GRM1: variants seen among roughly 807,000 people sequenced by gnomAD.
GRM1 encodes glutamate metabotropic receptor 1.
Under a neutral mutation model 90.9 loss-of-function variants are expected in GRM1, and 33 were observed. The observed-to-expected ratio is 0.36, with a 90% CI of 0.28 to 0.49. GRM1 has a LOEUF of 0.49. GRM1 is among the 20% of genes least tolerant of loss of function. GRM1 has a pLI of 0.99. For synonymous variants in GRM1, 700 were observed against 613.2 expected, an observed-to-expected ratio of 1.14 and a Z score of -2.09; for missense variants, 1,190 against 1,534.3, an observed-to-expected ratio of 0.78 and a Z score of 3.75.
chr6:146,400,243 A>AG (rs1414824985), intron 7 of GRM1, among the ~76,000 whole-genome samples: 1 of 152,170 alleles, frequency 6.6e-6, no homozygotes, highest in Non-Finnish European at 1.5e-5. Context: ...ATGTCCTAAA[A>AG]TAAGATCCTG....
intron 1 of GRM1, among the ~76,000 whole-genome samples, chr6:146,062,962 A>G (rs1190418942): frequency 6.6e-6 from 1 of 151,940 alleles, no homozygotes; most frequent in Non-Finnish European, 1.5e-5. Context: ...TTGTGCTATA[A>G]ATGTTCTTTT....
chr6:146,053,619 GT>G (rs1023045365), intron 1 of GRM1, among the ~76,000 whole-genome samples: 1 of 152,006 alleles, frequency 6.6e-6, no homozygotes, highest in South Asian at 2.1e-4. Flanking sequence ...CGTTATGTGA[GT>G]TTTTTTGTGG....
At chr6:146,426,729 T>C in intron 7 of GRM1, 3 of 700,352 alleles carry the variant, frequency 4.3e-6, no homozygotes, top group Non-Finnish European at 7.9e-6. Flanking sequence ...TGGAAACAGA[T>C]GTGGTGCATG....
chr6:146,256,083 C>T (rs1397037012), intron 2 of GRM1, among the ~76,000 whole-genome samples: 1 of 152,092 alleles, frequency 6.6e-6, no homozygotes, highest in East Asian at 1.9e-4. Flanking sequence ...TCTACTGGCT[C>T]GGATACAGCT....
chr6:146,089,820 G>A (rs1776658120), intron 1 of GRM1, among the ~76,000 whole-genome samples: 1 of 151,976 alleles, frequency 6.6e-6, no homozygotes, highest in South Asian at 2.1e-4. Flanking sequence ...AGTCTCAAAA[G>A]AATAAAGAGA....
intron 1 of GRM1, among the ~76,000 whole-genome samples, chr6:146,075,254 T>A (rs1236824590): frequency 6.6e-6 from 1 of 152,204 alleles, no homozygotes; most frequent in Non-Finnish European, 1.5e-5. Flanking sequence ...AGCCCAGTGT[T>A]ACACTCTAAA....
At chr6:146,386,854 A>G (rs1776525574) in intron 5 of GRM1, 36 bp from the exon 6 acceptor site, 1 of 1,564,726 alleles carries the variant, frequency 6.4e-7, no homozygotes, top group Non-Finnish European at 8.8e-7. Flanking sequence ...TTCTGGGAAA[A>G]CTATCTTTAA....
At chr6:146,159,700 G>C in intron 2 of GRM1, 103 bp downstream of exon 2, 2 of 1,171,558 alleles carry the variant, frequency 1.7e-6, no homozygotes, top group Non-Finnish European at 2.4e-6. Context: ...CACAAAACTA[G>C]ACTTGCTAAC....
At position 146,103,964 on chromosome 6, in the gene GRM1, A is replaced by G. The variant is rs574643396; in HGVS notation, c.701-55384A>G. On this transcript the variant is annotated intron_variant, in intron 1 of 7. Transcript: ENST00000282753. ...TGAGGAAACATTTGATCTAAACTGA[A>G]GAAAAAAACCATCTGATCTGAATTC... is the stretch of plus-strand genomic sequence containing the variant. Among the ~76,000 whole-genome samples, 5 of 152,284 alleles carry G rather than the reference A, an allele frequency of 3.3e-5. No homozygotes were observed. The South Asian group carries it at 1.0e-3, about 32-fold the overall frequency.
At chr6:146,038,884 T>TTA (rs1263158174) in intron 1 of GRM1, among the ~76,000 whole-genome samples, 4 of 152,062 alleles carry the variant, frequency 2.6e-5, no homozygotes, top group African/African-American at 9.6e-5. Context: ...TTTTAAAAGG[T>TTA]TATATCAGGA....
chr6:146,399,537 C>A lies in GRM1; in HGVS notation c.2498C>A (p.Pro833His). Residue 833 changes from proline to histidine, a missense_variant, in exon 7 of 8, where the codon CCC becomes CAC. Pro to His is a moderately conservative substitution (Grantham distance 77). Around this residue, in one of 10 missense-constraint regions of GRM1, gnomAD observed 73 missense variants for 150.6 expected, o/e 0.48. Transcript: ENST00000282753. This position sits in a 1 kb window ranked among gnomAD's most constrained non-coding sequence, Gnocchi z 5.4. ...VTVALGCMFT[P>H]KMYIIIAKPE... The stretch of plus-strand genomic sequence containing the variant: ...GTGGCTCTGGGGTGCATGTTCACTC[C>A]CAAGATGTACATCATTATTGCCAAG... 1 of 1,614,068 alleles carries A rather than the reference C, an allele frequency of 6.2e-7. No individual in the cohort carries two copies. Among genetic ancestry groups the A allele is most frequent in the Non-Finnish European group, 8.5e-7 (1 of 1,179,984 alleles).
At chr6:146,111,383 G>A (rs1052431881) in intron 1 of GRM1, among the ~76,000 whole-genome samples, 1 of 152,162 alleles carries the variant, frequency 6.6e-6, no homozygotes, top group African/African-American at 2.4e-5. Context: ...CTATATCCCA[G>A]GTGTGCACAC....
At chr6:146,210,843 A>G (rs1459255968) in intron 2 of GRM1, among the ~76,000 whole-genome samples, 1 of 152,158 alleles carries the variant, frequency 6.6e-6, no homozygotes, top group Non-Finnish European at 1.5e-5. Flanking sequence ...ATTGAGAACC[A>G]TGCTTCTTGC....
chr6:146,290,980 A>AC (rs551424400), intron 2 of GRM1, among the ~76,000 whole-genome samples: 1 of 151,838 alleles, frequency 6.6e-6, no homozygotes, highest in Non-Finnish European at 1.5e-5. Flanking sequence ...CACAATAATG[A>AC]CCCCCCAAAA....
intron 7 of GRM1, among the ~76,000 whole-genome samples, chr6:146,425,490 A>G (rs959111085): frequency 1.3e-5 from 2 of 151,388 alleles, no homozygotes; most frequent in African/African-American, 4.8e-5. Context: ...TTGATTTGCC[A>G]GGAGCCATTT....
upstream of GRM1, among the ~76,000 whole-genome samples, chr6:146,028,189 T>C (rs1790562188): frequency 6.7e-6 from 1 of 149,802 alleles, no homozygotes; most frequent in Non-Finnish European, 1.5e-5. Context: ...TGCAAGGTGA[T>C]GAGAATGAGG....
intron 1 of GRM1, among the ~76,000 whole-genome samples, chr6:146,087,676 A>G (rs1440118800): frequency 6.6e-6 from 1 of 152,208 alleles, no homozygotes; most frequent in Non-Finnish European, 1.5e-5. Context: ...AGAATGTTAT[A>G]TAAATGAAAT....
At position 146,324,130 on chromosome 6, in the gene GRM1, G is replaced by A. The variant is rs542643409; in HGVS notation, c.1186+19284G>A. On this transcript the variant is annotated intron_variant, in intron 3 of 7. Coordinates refer to ENST00000282753, the MANE Select transcript of GRM1 (RefSeq NM_001278064.2). ...TCTAGAGAGGCAGTCTGGCTACAGC[G>A]GCTTTGCGGAGCTGCGGTGGGCTCC... 2.0e-4 allele frequency among the ~76,000 whole-genome samples: 30 copies of A among 152,308 alleles called. No individual in the cohort carries two copies. In the East Asian group the frequency reaches 2.7e-3, roughly 14 times the overall value.
chr6:146,184,384 G>T (rs1778649330), intron 2 of GRM1, among the ~76,000 whole-genome samples: 1 of 151,642 alleles, frequency 6.6e-6, no homozygotes, highest in Non-Finnish European at 1.5e-5. Context: ...TTGTTCTATT[G>T]TTTACAATAC....
Sources: allele counts gnomAD v4.1 joint callset (sites outside exome capture counted in the v4.1 genomes callset), GRCh38; gene constraint gnomAD v4.1.1; regional missense constraint gnomAD v4.1.1; non-coding constraint Gnocchi (gnomAD v3.1); transcripts MANE v1.5; gene names NCBI Gene and HGNC (gene_info 2026-07-23, HGNC 2026-07-21).